Variants in CACNG4 observed in about 807,000 individuals in gnomAD.
CACNG4 encodes the protein voltage-dependent calcium channel gamma-4 subunit.
Under a neutral mutation model 22.9 loss-of-function variants are expected in CACNG4, and 8 were observed. That is an observed-to-expected ratio of 0.35 (90% CI 0.21 to 0.63). CACNG4 has a LOEUF of 0.63. Among genes scored for constraint, CACNG4 ranks in the 30% least tolerant of loss-of-function variants. The pLI, the probability that CACNG4 is intolerant of heterozygous loss-of-function variation, is 0.72. For synonymous variants in CACNG4, 188 were observed against 191.9 expected (o/e 0.98, Z 0.17); for missense variants, 357 against 455.4 (o/e 0.78, Z 1.97).
chr17:66,972,754 CGT>C, intron 1 of CACNG4, among the ~76,000 whole-genome samples: 1 of 151,552 alleles, frequency 6.6e-6, no homozygotes, highest in Non-Finnish European at 1.5e-5. Flanking sequence ...GGTGAAACCC[CGT>C]CTCCGCTAAA....
At chr17:67,016,500 C>T (rs1236488456) in intron 1 of CACNG4, among the ~76,000 whole-genome samples, 1 of 152,150 alleles carries the variant, frequency 6.6e-6, no homozygotes, top group Non-Finnish European at 1.5e-5. Flanking sequence ...AGAAGGGCAG[C>T]GTGCTCCCAG....
rs2035596656 is a variant in CACNG4 at position 67,030,513 on chromosome 17, G to T, written c.493G>T (p.Gly165Cys). ...CATCGTCTACATTTCCAGCAACACA[G>T]GTGACCCGAGTGACAAGCGGGACGA... ...GIIVYISSNT[G>C]DPSDKRDEDK... The change falls in exon 4 of 4, where the codon GGT becomes TGT. Residue 165 changes from glycine (G) to cysteine (C), a missense_variant. By Grantham distance (159) the Gly-to-Cys change is radical (BLOSUM62 -3). Transcript: ENST00000262138. The surrounding 1 kb of genome is among the most constrained non-coding windows in gnomAD (Gnocchi z 6.4). 3 of 1,614,086 alleles carry T rather than the reference G, an allele frequency of 1.9e-6. No individual in the cohort carries two copies. Among genetic ancestry groups the T allele is most frequent in the East Asian group, 2.2e-5 (1 of 44,878 alleles).
intron 1 of CACNG4, among the ~76,000 whole-genome samples, chr17:67,017,828 T>C (rs2035508854): frequency 6.6e-6 from 1 of 152,114 alleles, no homozygotes. Flanking sequence ...TTTTTTATTT[T>C]TTTCAAGATG....
intron 1 of CACNG4, among the ~76,000 whole-genome samples, chr17:66,972,549 G>A (rs535733806): frequency 2.3e-4 from 35 of 152,340 alleles, no homozygotes; most frequent in African/African-American, 8.2e-4. Context: ...GGGAAGCATC[G>A]TTTAGGGTTG....
At chr17:66,972,459 T>C (rs1478797592) in intron 1 of CACNG4, among the ~76,000 whole-genome samples, 1 of 152,134 alleles carries the variant, frequency 6.6e-6, no homozygotes, top group Non-Finnish European at 1.5e-5. Flanking sequence ...TCTCCAGCTG[T>C]GACAACCAAA....
intron 2 of CACNG4, among the ~76,000 whole-genome samples, chr17:67,020,445 A>T (rs1294557723): frequency 6.6e-6 from 1 of 152,240 alleles, no homozygotes; most frequent in Non-Finnish European, 1.5e-5. Flanking sequence ...CTGTGGGGAA[A>T]GCAGCCAGGT....
chr17:66,965,175 CA>C, intron 1 of CACNG4, 44 bp downstream of exon 1: 1 of 1,130,150 alleles, frequency 8.8e-7, no homozygotes, highest in Non-Finnish European at 1.3e-6. Context: ...CACACACACA[CA>C]CACACACACA....
chr17:67,000,411 A>G (rs929731088), intron 1 of CACNG4, among the ~76,000 whole-genome samples: 1 of 136,782 alleles, frequency 7.3e-6, no homozygotes, highest in African/African-American at 3.3e-5. Flanking sequence ...CATTTTATTT[A>G]CTGTTTTTTT....
At chr17:66,995,890 A>AT (rs1349041265) in intron 1 of CACNG4, among the ~76,000 whole-genome samples, 7 of 151,914 alleles carry the variant, frequency 4.6e-5, no homozygotes, top group African/African-American at 1.7e-4. Context: ...AGGTTTTTCC[A>AT]TTTTTCCTTA....
chr17:67,019,431 C>G (rs111480652), intron 2 of CACNG4, among the ~76,000 whole-genome samples: 2 of 152,158 alleles, frequency 1.3e-5, no homozygotes, highest in African/African-American at 4.8e-5. Flanking sequence ...GAGATTTCCA[C>G]AGGGCCGCCA....
intron 1 of CACNG4, among the ~76,000 whole-genome samples, chr17:66,985,637 C>T (rs551458463): frequency 6.6e-6 from 1 of 152,336 alleles, no homozygotes; most frequent in African/African-American, 2.4e-5. Flanking sequence ...TTCCTGAATG[C>T]ACACATGCAG....
intron 1 of CACNG4, among the ~76,000 whole-genome samples, chr17:67,008,403 G>A (rs2035449640): frequency 6.6e-6 from 1 of 152,198 alleles, no homozygotes; most frequent in South Asian, 2.1e-4. Flanking sequence ...CACTCGGTGT[G>A]GAAGTGGAGG....
At chr17:67,005,204 G>A (rs1470281080) in intron 1 of CACNG4, among the ~76,000 whole-genome samples, 1 of 152,214 alleles carries the variant, frequency 6.6e-6, no homozygotes, top group Non-Finnish European at 1.5e-5. Flanking sequence ...CTCTGTCTCT[G>A]ATCCAAAATA....
At chr17:67,028,552 C>CA (rs367788585) in intron 3 of CACNG4, among the ~76,000 whole-genome samples, 4,019 of 139,516 alleles carry the variant, frequency 0.029, 196 homozygotes, top group African/African-American at 0.1. Context: ...GACTCCGTCT[C>CA]AAAAAAGAAA....
intron 1 of CACNG4, among the ~76,000 whole-genome samples, chr17:66,971,551 C>A (rs750624205): frequency 2.0e-5 from 3 of 152,154 alleles, no homozygotes; most frequent in African/African-American, 4.8e-5. Flanking sequence ...GCAGTTGGCA[C>A]TTCTAGGTGC....
In CACNG4 at chr17:66,989,354, C is replaced by T. The variant is rs548522744; in HGVS notation, c.220+24223C>T. On this transcript the variant is annotated intron_variant, in intron 1 of 3. Transcript: ENST00000262138. ...AAAAAGGAGAAGAGACAGACACAGA[C>T]GGAGAAGGACACAGAAGATGGAGGC... 8.6e-5 allele frequency among the ~76,000 whole-genome samples: 13 copies of T among 151,236 alleles called. No homozygotes were observed. The South Asian group carries it at 1.2e-3, about 14-fold the overall frequency.
At chr17:66,970,943 A>T (rs2035200448) in intron 1 of CACNG4, among the ~76,000 whole-genome samples, 1 of 152,078 alleles carries the variant, frequency 6.6e-6, no homozygotes. Flanking sequence ...AACAGCCCAG[A>T]CTCTGAGGAT....
In CACNG4 at chr17:67,031,634, C is replaced by A. The variant is rs766353062; in HGVS notation, c.*630C>A. 2.2e-6 allele frequency: 1 copy of A among 456,798 alleles called. No homozygotes were observed. Among genetic ancestry groups the A allele is most frequent in the African/African-American group, 2.0e-5 (1 of 50,206 alleles). The allele number at this position is 456,798 out of a possible 1,614,324, so 28.3% of individuals were successfully genotyped here. A position where few individuals can be genotyped will look rare whatever the true frequency, so the allele number is the denominator to read the frequency against. ...CTTTGCGCTGTCCCGGGGCCAGCTT[C>A]CCTCGACCTGGGGAGGCCGTGGCCT... On this transcript the variant is annotated 3_prime_UTR_variant, in exon 4 of 4. Transcript: ENST00000262138. The surrounding 1 kb of genome is among the most constrained non-coding windows in gnomAD (Gnocchi z 4.0).
In CACNG4 at chr17:66,964,819, A is replaced by T. The variant is rs868656482; in HGVS notation, c.-93A>T. ...GCCGCCCCCCGGCCCTCGGCCCCCC[A>T]ACCCCGGCGCCCCCGGAGCGGCGCG... On this transcript the variant is annotated 5_prime_UTR_variant, in exon 1 of 4. Coordinates refer to ENST00000262138, the MANE Select transcript of CACNG4 (RefSeq NM_014405.4). 4.0e-3 allele frequency: 1,917 copies of T among 474,620 alleles called. 52 individuals are homozygous for T. Among genetic ancestry groups the T allele is most frequent in the African/African-American group, 0.039 (1,768 of 45,114 alleles). 29.4% of individuals were successfully genotyped at this position (474,620 alleles called of 1,614,324 possible). A position where few individuals can be genotyped will look rare whatever the true frequency, so the allele number is the denominator to read the frequency against.
Sources: allele counts gnomAD v4.1 joint callset (sites outside exome capture counted in the v4.1 genomes callset), GRCh38; gene constraint gnomAD v4.1.1; non-coding constraint Gnocchi (gnomAD v3.1); transcripts MANE v1.5; gene names NCBI Gene and HGNC (gene_info 2026-07-23, HGNC 2026-07-21).